The following ZNF714 variants were observed in gnomAD, a reference collection of about 807,000 sequenced individuals.
ZNF714 encodes the protein zinc finger protein 714.
A neutral mutation model predicts 46.2 loss-of-function variants in ZNF714; 32 were observed. The observed-to-expected ratio is 0.69, with a 90% CI of 0.52 to 0.93. ZNF714 has a LOEUF of 0.93. Ranked by LOEUF, ZNF714 falls within the 40% of genes least tolerant of loss-of-function variation. The pLI, the probability that ZNF714 is intolerant of heterozygous loss-of-function variation, is 0.00. For missense variants in ZNF714, 635 were observed against 646.3 expected, an observed-to-expected ratio of 0.98 and a Z score of 0.19; for synonymous variants, 199 against 213.1, an observed-to-expected ratio of 0.93 and a Z score of 0.58.
At chr19:21,097,747 A>T (rs1357136375) in intron 2 of ZNF714, among the ~76,000 whole-genome samples, 1 of 151,312 alleles carries the variant, frequency 6.6e-6, no homozygotes, top group Non-Finnish European at 1.5e-5. Flanking sequence ...TTAGAATTTT[A>T]AAAACTCAGA....
In ZNF714 at chr19:21,084,058, T is replaced by TA. The variant is rs1207512659; in HGVS notation, c.-95dup. 1.1e-5 allele frequency: 13 copies of TA among 1,171,560 alleles called. No homozygotes were observed. The Admixed American group carries it at 4.2e-4, about 38-fold the overall frequency. 72.6% of individuals were successfully genotyped at this position (1,171,560 alleles called of 1,614,324 possible). ...AGAGAGGAAGCTTCTAGTGTACTCT[T>TA]ACTTTGAAAAGGTAATCAGATGCTG... On this transcript the variant is annotated 5_prime_UTR_variant, in exon 2 of 5. Coordinates refer to ENST00000456283, the MANE Select transcript of ZNF714 (RefSeq NM_182515.4).
chr19:21,085,513 G>A (rs1968755221), intron 2 of ZNF714, among the ~76,000 whole-genome samples: 3 of 152,274 alleles, frequency 2.0e-5, no homozygotes, highest in African/African-American at 4.8e-5. Flanking sequence ...TGAACACTGT[G>A]TTTGAGTAAT....
intron 2 of ZNF714, among the ~76,000 whole-genome samples, chr19:21,094,681 C>T (rs1199385484): frequency 6.6e-6 from 1 of 152,166 alleles, no homozygotes; most frequent in East Asian, 1.9e-4. Context: ...TGTGTGCCAC[C>T]AAGCCTGACT....
At chr19:21,094,854 G>A (rs1416325182) in intron 2 of ZNF714, among the ~76,000 whole-genome samples, 2 of 152,132 alleles carry the variant, frequency 1.3e-5, no homozygotes, top group African/African-American at 4.8e-5. Context: ...GGTGTGAGAT[G>A]GTGTCTCATT....
At chr19:21,108,942 A>T (rs929127768) in intron 4 of ZNF714, among the ~76,000 whole-genome samples, 1 of 152,220 alleles carries the variant, frequency 6.6e-6, no homozygotes, top group African/African-American at 2.4e-5. Flanking sequence ...ACACATATAC[A>T]TATAAATAGA....
intron 2 of ZNF714, among the ~76,000 whole-genome samples, chr19:21,085,572 CT>C (rs1378601877): frequency 9.8e-5 from 15 of 152,362 alleles, no homozygotes; most frequent in Admixed American, 4.6e-4. Flanking sequence ...GTGAGTAACT[CT>C]AACATGGAAA....
Position 21,114,167 on chromosome 19 carries a change from G to A in ZNF714, c.143-2640G>A, listed in dbSNP as rs371303307. On this transcript the variant is annotated intron_variant, in intron 4 of 4. Coordinates refer to ENST00000456283, the MANE Select transcript of ZNF714 (RefSeq NM_182515.4). ...GAAACTGTGATTGCAGGCTGGGCTC[G>A]GTGGCTCACGCCTGTAATCCCAGCA... Among the ~76,000 whole-genome samples the A allele has an allele frequency of 1.3e-3, 200 of 151,984 alleles. 1 individual carries two copies. Among genetic ancestry groups the A allele is most frequent in the South Asian group, 7.7e-3 (37 of 4,812 alleles).
chr19:21,082,273 C>A lies in ZNF714; in HGVS notation c.-252C>A, dbSNP rs1324071139. On this transcript the variant is annotated 5_prime_UTR_variant, in exon 1 of 5. Coordinates refer to ENST00000456283, the MANE Select transcript of ZNF714 (RefSeq NM_182515.4). ...GTGTCCTCTGCTCGCAGAGGCCCAG[C>A]CTCTGTGGCCCTGTGACCTGCAGGT... The A allele has an allele frequency of 1.4e-6, 2 of 1,409,644 alleles. No individual in the cohort carries two copies. The highest frequency in any genetic ancestry group is 1.4e-5 in the African/African-American group (1 of 71,184). The allele number at this position is 1,409,644 out of a possible 1,614,324, so 87.3% of individuals were successfully genotyped here.
chr19:21,098,256 G>C lies in ZNF714; in HGVS notation c.-13G>C. On this transcript the variant is annotated 5_prime_UTR_variant, in exon 3 of 5. Coordinates refer to ENST00000456283, the MANE Select transcript of ZNF714 (RefSeq NM_182515.4). ...AGTGGGAATGCCTGAACCCTGCTCA[G>C]CAGAATTTATATATGAATGTGATGT... 1.9e-6 allele frequency: 3 copies of C among 1,612,640 alleles called. No homozygotes were observed. Among genetic ancestry groups the C allele is most frequent in the Non-Finnish European group, 2.5e-6 (3 of 1,179,766 alleles).
At chr19:21,093,447 G>A (rs894937306) in intron 2 of ZNF714, among the ~76,000 whole-genome samples, 1 of 149,032 alleles carries the variant, frequency 6.7e-6, no homozygotes, top group Admixed American at 6.7e-5. Context: ...GCCCAGGCTG[G>A]TCTCAAACTC....
Position 21,104,261 on chromosome 19 carries a change from C to G in ZNF714, c.142+5351C>G, listed in dbSNP as rs1030625731. Among the ~76,000 whole-genome samples the G allele has an allele frequency of 1.4e-4, 22 of 151,776 alleles. No homozygotes were observed. In the South Asian group the frequency reaches 4.6e-3, roughly 32 times the overall value. ...TCTGTGATATTGGATGTATATGTTA[C>G]ATTTTTTATGTGTTTGTAAATTAAG... On this transcript the variant is annotated intron_variant, in intron 4 of 4. Coordinates refer to ENST00000456283, the MANE Select transcript of ZNF714 (RefSeq NM_182515.4).
intron 1 of ZNF714, among the ~76,000 whole-genome samples, chr19:21,083,370 G>A (rs937943088): frequency 2.0e-5 from 3 of 152,122 alleles, no homozygotes; most frequent in African/African-American, 7.2e-5. Context: ...AGGGACTAGA[G>A]ACACCTCAGT....
rs1458654341 is a variant in ZNF714, at chr19:21,121,469, A to G, written c.*3137A>G. 2 of 152,148 alleles carry G rather than the reference A, an allele frequency of 1.3e-5. No homozygotes were observed. The highest frequency in any genetic ancestry group is 4.8e-5 in the African/African-American group (2 of 41,438). 9.4% of individuals were successfully genotyped at this position (152,148 alleles called of 1,614,324 possible). A position where few individuals can be genotyped will look rare whatever the true frequency, so the allele number is the denominator to read the frequency against. ...TAAAATTCATTTCTAAACTATTAATATTTTTTCCAAATTGTTATATATTTT... is the reference window on the plus strand; with the variant it reads ...TAAAATTCATTTCTAAACTATTAATGTTTTTTCCAAATTGTTATATATTTT... On this transcript the variant is annotated 3_prime_UTR_variant, in exon 5 of 5. Transcript: ENST00000456283.
At chr19:21,104,908 C>T (rs1231046182) in intron 4 of ZNF714, among the ~76,000 whole-genome samples, 1 of 151,636 alleles carries the variant, frequency 6.6e-6, no homozygotes, top group African/African-American at 2.4e-5. Context: ...GAGGTGAGCG[C>T]CCGGCCTCAT....
At chr19:21,092,455 G>T (rs1216712159) in intron 2 of ZNF714, among the ~76,000 whole-genome samples, 2 of 152,280 alleles carry the variant, frequency 1.3e-5, no homozygotes, top group East Asian at 3.9e-4. Flanking sequence ...TGGGCCTCCT[G>T]TTCCTAATCT....
At chr19:21,114,976 G>T (rs573247417) in intron 4 of ZNF714, among the ~76,000 whole-genome samples, 1 of 148,406 alleles carries the variant, frequency 6.7e-6, no homozygotes, top group Non-Finnish European at 1.5e-5. Context: ...CTCTTTTTCT[G>T]TCTCTGTGTC....
In ZNF714 at chr19:21,117,839, C is replaced by T; in HGVS notation, c.1175C>T (p.Thr392Ile). ...SKLTIHKIIH[T>I]GEKPYKCEEC... is the part of the protein sequence containing the mutation. ...CTTACTATACATAAGATAATTCATACTGGAGAGAAACCTTACAAATGTGAA... is the reference window on the plus strand; with the variant it reads ...CTTACTATACATAAGATAATTCATATTGGAGAGAAACCTTACAAATGTGAA... The change falls in exon 5 of 5, where the codon ACT becomes ATT. Residue 392 changes from threonine (T) to isoleucine (I), a missense_variant. Physicochemically the swap from Thr to Ile is moderately conservative, Grantham distance 89. Transcript: ENST00000456283. 6.2e-7 allele frequency: 1 copy of T among 1,612,224 alleles called. No homozygotes were observed. Among genetic ancestry groups the T allele is most frequent in the Non-Finnish European group, 8.5e-7 (1 of 1,179,178 alleles).
rs1969691829 is a variant in ZNF714, at chr19:21,120,870, G to T, written c.*2538G>T. On this transcript the variant is annotated 3_prime_UTR_variant, in exon 5 of 5. Transcript: ENST00000456283. The stretch of plus-strand genomic sequence containing the variant: ...TAATCATTTAAATTTAATTTTGGTG[G>T]GTACATAATATGAGTATATATTTAT... 1 of 151,476 alleles carries T rather than the reference G, an allele frequency of 6.6e-6. No homozygotes were observed. Among genetic ancestry groups the T allele is most frequent in the Non-Finnish European group, 1.5e-5 (1 of 67,910 alleles). 9.4% of individuals were successfully genotyped at this position (151,476 alleles called of 1,614,324 possible).
intron 2 of ZNF714, among the ~76,000 whole-genome samples, chr19:21,097,689 C>A (rs543771527): frequency 6.1e-4 from 93 of 151,456 alleles, no homozygotes; most frequent in Non-Finnish European, 1.2e-3. Context: ...GAATGTCTGA[C>A]AAAATAGTCT....
Sources: gnomAD v4.1 joint callset for allele counts (sites outside exome capture counted in the v4.1 genomes callset) on GRCh38, gnomAD v4.1.1 for gene constraint, MANE v1.5 for transcripts, NCBI Gene and HGNC (gene_info 2026-07-23, HGNC 2026-07-21) for gene names.